Variants in GALNT18 observed in about 807,000 individuals in gnomAD.
GALNT18 encodes the protein GalNAc-transferase 18.
GALNT18 carries 44 observed loss-of-function variants against 69.5 expected under a neutral mutation model. The ratio of observed to expected loss-of-function variants is 0.63; its 90% CI spans 0.50 to 0.81. GALNT18 has a LOEUF of 0.81. Among genes scored for constraint, GALNT18 ranks in the 40% least tolerant of loss-of-function variants. GALNT18 has a pLI of 0.00. For missense variants in GALNT18, 715 were observed against 810.0 expected (o/e 0.88, Z 1.42); for synonymous variants, 364 against 318.2 (o/e 1.14, Z -1.53).
chr11:11,426,586 C>T (rs1237122529), intron 3 of GALNT18, among the ~76,000 whole-genome samples: 1 of 152,154 alleles, frequency 6.6e-6, no homozygotes. Flanking sequence ...AAAATAAATG[C>T]CCCTGTCTTC....
rs1378086817 is a variant in GALNT18, at chr11:11,340,712, C to T, written c.1278+107G>A. The T allele has an allele frequency of 2.8e-6, 3 of 1,071,984 alleles. No homozygotes were observed. Among genetic ancestry groups the T allele is most frequent in the Non-Finnish European group, 4.0e-6 (3 of 744,498 alleles). The allele number at this position is 1,071,984 out of a possible 1,614,324, so 66.4% of individuals were successfully genotyped here. On this transcript the variant is annotated intron_variant, in intron 7 of 10. Transcript: ENST00000227756. This position sits in a 1 kb window ranked among gnomAD's most constrained non-coding sequence, Gnocchi z 4.2. ...GGGTTGAGAGTCCATTCTTGCATGG[C>T]AAACAGGACTCTGGCTGACCCATAG...
rs1040840605 is a variant in GALNT18, at chr11:11,543,343, T to A, written c.235+78016A>T. 6.6e-6 allele frequency among the ~76,000 whole-genome samples: 1 copy of A among 152,104 alleles called. No homozygotes were observed. Among genetic ancestry groups the A allele is most frequent in the Non-Finnish European group, 1.5e-5 (1 of 68,012 alleles). ...TAGCTTCATTCTCTCATGGCAGGAA[T>A]CCTTAGTAGGCCACCTCAGCTGGAG... On this transcript the variant is annotated intron_variant, in intron 1 of 10. Coordinates refer to ENST00000227756, the MANE Select transcript of GALNT18 (RefSeq NM_198516.3). The surrounding 1 kb of genome is among the most constrained non-coding windows in gnomAD (Gnocchi z 5.1).
chr11:11,441,591 A>G lies in GALNT18; in HGVS notation c.428+7153T>C, dbSNP rs557183788. ...GAATGTTCGGTATTCCCCTTTATAA[A>G]ATGGGAATAATAATAACAACCCCAG... On this transcript the variant is annotated intron_variant, in intron 2 of 10. Transcript: ENST00000227756. Among the ~76,000 whole-genome samples the G allele has an allele frequency of 1.9e-3, 297 of 152,352 alleles. 2 individuals are homozygous for G. Among genetic ancestry groups the G allele is most frequent in the African/African-American group, 6.9e-3 (286 of 41,580 alleles).
intron 6 of GALNT18, among the ~76,000 whole-genome samples, chr11:11,365,096 C>T (rs1176357814): frequency 2.0e-5 from 3 of 152,004 alleles, no homozygotes; most frequent in Non-Finnish European, 2.9e-5. Context: ...TATACATGTG[C>T]CATGGTGGTT....
At chr11:11,409,086 C>G (rs910718411) in intron 3 of GALNT18, among the ~76,000 whole-genome samples, 1 of 152,170 alleles carries the variant, frequency 6.6e-6, no homozygotes, top group African/African-American at 2.4e-5. Context: ...GCCCTGGTAC[C>G]ACAGGCTAGA....
chr11:11,329,341 T>C (rs1247802438), intron 8 of GALNT18, among the ~76,000 whole-genome samples: 2 of 152,208 alleles, frequency 1.3e-5, no homozygotes, highest in African/African-American at 4.8e-5. Context: ...TCCACATATG[T>C]CTCACCTAAT....
rs185619145 is a variant in GALNT18, at chr11:11,393,112, C to A, written c.596-13848G>T. ...CCAGCAGCGAAGTGGGTGGGGCTGA[C>A]CCTCAGTTTGGGGATGCCCAGCCTC... On this transcript the variant is annotated intron_variant, in intron 3 of 10. Coordinates refer to ENST00000227756, the MANE Select transcript of GALNT18 (RefSeq NM_198516.3). Among the ~76,000 whole-genome samples, 960 of 152,326 alleles carry A rather than the reference C, an allele frequency of 6.3e-3. 4 individuals carry two copies. The highest frequency in any genetic ancestry group is 0.029 in the South Asian group (139 of 4,822).
intron 6 of GALNT18, among the ~76,000 whole-genome samples, chr11:11,343,531 G>C (rs1020554781): frequency 4.6e-5 from 7 of 152,130 alleles, no homozygotes; most frequent in African/African-American, 1.7e-4. Flanking sequence ...ATGGTTCTGA[G>C]GATCATGAGA....
At position 11,537,187 on chromosome 11, in the gene GALNT18, G is replaced by C. The variant is rs1178798972; in HGVS notation, c.235+84172C>G. On this transcript the variant is annotated intron_variant, in intron 1 of 10. Coordinates refer to ENST00000227756, the MANE Select transcript of GALNT18 (RefSeq NM_198516.3). ...ACATGAGGGAACTGAGGCACTGAGAGGTCATCCAGCTTGCCTAAAGTCACA... is the reference window on the plus strand; with the variant it reads ...ACATGAGGGAACTGAGGCACTGAGACGTCATCCAGCTTGCCTAAAGTCACA... Among the ~76,000 whole-genome samples, 3 of 149,908 alleles carry C rather than the reference G, an allele frequency of 2.0e-5. No homozygotes were observed. The East Asian group carries it at 6.1e-4, about 30-fold the overall frequency.
At chr11:11,285,859 G>A (rs577846639) in intron 10 of GALNT18, among the ~76,000 whole-genome samples, 6 of 152,172 alleles carry the variant, frequency 3.9e-5, no homozygotes, top group East Asian at 1.9e-4. Context: ...CTTTGCGTGC[G>A]TTACTCATCT....
chr11:11,438,397 G>A (rs997032326), intron 2 of GALNT18, among the ~76,000 whole-genome samples: 2 of 152,088 alleles, frequency 1.3e-5, no homozygotes, highest in African/African-American at 4.8e-5. Flanking sequence ...TGCCCCACGC[G>A]GAATACTCAG....
chr11:11,405,963 G>C (rs1282604302), intron 3 of GALNT18, among the ~76,000 whole-genome samples: 1 of 152,194 alleles, frequency 6.6e-6, no homozygotes, highest in African/African-American at 2.4e-5. Context: ...CAACAAGCAA[G>C]GTGTCGGCAG....
chr11:11,392,196 T>C (rs985456345), intron 3 of GALNT18, among the ~76,000 whole-genome samples: 3 of 152,234 alleles, frequency 2.0e-5, no homozygotes, highest in African/African-American at 7.2e-5. Flanking sequence ...AGCCGGAGCC[T>C]GGCATTCAGT....
chr11:11,410,423 A>C (rs975212994), intron 3 of GALNT18, among the ~76,000 whole-genome samples: 2 of 152,166 alleles, frequency 1.3e-5, no homozygotes, highest in African/African-American at 4.8e-5. Context: ...GGGGAAGGGA[A>C]GTGAGTTCAG....
rs867979054 is a variant in GALNT18 at position 11,389,564 on chromosome 11, A to C, written c.596-10300T>G. ...CTGAGGAGGGTATGCAGCAGGAATCACAGGACTTACTAAAAATGCCATGAT... is the reference window on the plus strand; with the variant it reads ...CTGAGGAGGGTATGCAGCAGGAATCCCAGGACTTACTAAAAATGCCATGAT... On this transcript the variant is annotated intron_variant, in intron 3 of 10. Transcript: ENST00000227756. The surrounding 1 kb of genome is among the most constrained non-coding windows in gnomAD (Gnocchi z 4.3). Among the ~76,000 whole-genome samples, 1 of 152,200 alleles carries C rather than the reference A, an allele frequency of 6.6e-6. No homozygotes were observed. Among genetic ancestry groups the C allele is most frequent in the Non-Finnish European group, 1.5e-5 (1 of 68,040 alleles).
chr11:11,507,387 A>T (rs913457678), intron 1 of GALNT18, among the ~76,000 whole-genome samples: 1 of 152,178 alleles, frequency 6.6e-6, no homozygotes, highest in African/African-American at 2.4e-5. Context: ...TCAGTCTCCC[A>T]AACACAAGCC....
intron 9 of GALNT18, among the ~76,000 whole-genome samples, chr11:11,316,785 T>C (rs1849763816): frequency 6.6e-6 from 1 of 152,178 alleles, no homozygotes; most frequent in Admixed American, 6.5e-5. Flanking sequence ...TGTGGGCTAG[T>C]GGGAAAGGAG....
intron 1 of GALNT18, among the ~76,000 whole-genome samples, chr11:11,534,303 T>G (rs561464691): frequency 6.6e-6 from 1 of 152,142 alleles, no homozygotes; most frequent in African/African-American, 2.4e-5. Flanking sequence ...GACCATGAGA[T>G]CTGCCAGAAC....
chr11:11,616,983 A>G lies in GALNT18; in HGVS notation c.235+4376T>C, dbSNP rs1860068662. 6.6e-6 allele frequency among the ~76,000 whole-genome samples: 1 copy of G among 152,380 alleles called. No homozygotes were observed. Among genetic ancestry groups the G allele is most frequent in the South Asian group, 2.1e-4 (1 of 4,828 alleles). On this transcript the variant is annotated intron_variant, in intron 1 of 10. Transcript: ENST00000227756. The surrounding 1 kb of genome is among the most constrained non-coding windows in gnomAD (Gnocchi z 4.4). ...AATCATTGCAAAAGATCAGACAAAA[A>G]TCGTAACAATTTAGGCTACTACACT...
Sources: gnomAD v4.1 joint callset for allele counts (sites outside exome capture counted in the v4.1 genomes callset) on GRCh38, gnomAD v4.1.1 for gene constraint, Gnocchi (gnomAD v3.1) non-coding constraint, MANE v1.5 for transcripts, NCBI Gene and HGNC (gene_info 2026-07-23, HGNC 2026-07-21) for gene names.